Variants in PTCSC3 observed in about 807,000 individuals in gnomAD.
PTCSC3 encodes papillary thyroid carcinoma susceptibility candidate 3 (non-protein coding).
chr14:36,165,166 C>T (rs186997905), intron 1 of PTCSC3: 1 of 152,184 alleles, frequency 6.6e-6, no homozygotes, highest in East Asian at 1.9e-4. Flanking sequence ...TGCCCTCTCC[C>T]CACGTGCAGT....
upstream of PTCSC3, among the ~76,000 whole-genome samples, chr14:36,176,648 G>A (rs1380410670): frequency 6.6e-6 from 1 of 152,022 alleles, no homozygotes; most frequent in Non-Finnish European, 1.5e-5. Context: ...GTCTGAAGGA[G>A]TTTGTACTGG....
chr14:36,136,386 C>T (rs1049102509), intron 3 of PTCSC3: 7 of 152,168 alleles, frequency 4.6e-5, no homozygotes, highest in Non-Finnish European at 7.3e-5. Context: ...TGAGGATTAA[C>T]CATTAGACAT....
intron 2 of PTCSC3, among the ~76,000 whole-genome samples, chr14:36,160,676 T>C (rs930577225): frequency 6.6e-6 from 1 of 152,114 alleles, no homozygotes; most frequent in African/African-American, 2.4e-5. Flanking sequence ...ATTTCAACCT[T>C]GGTGAATCTG....
At chr14:36,141,859 G>A (rs1384007838) in intron 3 of PTCSC3, among the ~76,000 whole-genome samples, 1 of 152,178 alleles carries the variant, frequency 6.6e-6, no homozygotes, top group East Asian at 1.9e-4. Context: ...ATGTAGGAAA[G>A]TTATTGACTT....
At chr14:36,153,158 GAC>G (rs1881759722) in intron 3 of PTCSC3, among the ~76,000 whole-genome samples, 1 of 152,114 alleles carries the variant, frequency 6.6e-6, no homozygotes, top group South Asian at 2.1e-4. Flanking sequence ...ATCCTCACAT[GAC>G]AGAGAGAGAA....
At chr14:36,156,488 A>G (rs1473916122) in intron 2 of PTCSC3, among the ~76,000 whole-genome samples, 1 of 151,998 alleles carries the variant, frequency 6.6e-6, no homozygotes, top group East Asian at 1.9e-4. Context: ...ATACACGTGC[A>G]GAATGTGCAG....
intron 3 of PTCSC3, among the ~76,000 whole-genome samples, chr14:36,137,775 T>C (rs1881322652): frequency 6.6e-6 from 1 of 152,084 alleles, no homozygotes; most frequent in African/African-American, 2.4e-5. Flanking sequence ...AAGGAGCAGG[T>C]ATGGTGGGGG....
At chr14:36,172,502 T>A (rs2139114574) in intron 1 of PTCSC3, among the ~76,000 whole-genome samples, 1 of 152,242 alleles carries the variant, frequency 6.6e-6, no homozygotes, top group East Asian at 1.9e-4. Flanking sequence ...CCACTAGAAA[T>A]TTATAGAAAA....
chr14:36,154,067 G>GA (rs56394642), intron 2 of PTCSC3, among the ~76,000 whole-genome samples: 90,251 of 144,764 alleles, frequency 0.62, 27,789 homozygotes, highest in Non-Finnish European at 0.67. Context: ...ACCCTGTCTC[G>GA]AAAAAAAAAA....
intron 3 of PTCSC3, among the ~76,000 whole-genome samples, chr14:36,146,521 C>G (rs1377949969): frequency 1.4e-5 from 2 of 138,576 alleles, no homozygotes; most frequent in Admixed American, 1.4e-4. Flanking sequence ...CTTGGTAGAT[C>G]TTCCTCCATC....
At chr14:36,151,068 A>G (rs758976140) in intron 3 of PTCSC3, among the ~76,000 whole-genome samples, 2 of 152,114 alleles carry the variant, frequency 1.3e-5, no homozygotes, top group Non-Finnish European at 2.9e-5. Flanking sequence ...AAATAAATCT[A>G]TTGCTGACAA....
chr14:36,153,798 C>G (rs1347877260), intron 3 of PTCSC3: 1 of 152,084 alleles, frequency 6.6e-6, no homozygotes, highest in African/African-American at 2.4e-5. Flanking sequence ...AGACATGGTG[C>G]CTCACCTGTA....
intron 1 of PTCSC3, chr14:36,164,308 A>G (rs572468751): frequency 1.6e-4 from 24 of 152,336 alleles, no homozygotes; most frequent in African/African-American, 5.8e-4. Flanking sequence ...CCACAAAATT[A>G]GAGTTTTTAC....
intron 1 of PTCSC3, among the ~76,000 whole-genome samples, chr14:36,175,295 C>G (rs148112346): frequency 1.6e-4 from 24 of 152,300 alleles, no homozygotes; most frequent in Non-Finnish European, 3.5e-4. Context: ...TCAAGGAGCA[C>G]AGCCTTACAG....
At chr14:36,166,291 C>A (rs956049366) in intron 1 of PTCSC3, among the ~76,000 whole-genome samples, 1 of 152,062 alleles carries the variant, frequency 6.6e-6, no homozygotes, top group Non-Finnish European at 1.5e-5. Flanking sequence ...TAATAAAATA[C>A]GCTACAGAGA....
intron 1 of PTCSC3, among the ~76,000 whole-genome samples, chr14:36,171,445 A>G (rs1011790371): frequency 6.6e-6 from 1 of 152,164 alleles, no homozygotes; most frequent in African/African-American, 2.4e-5. Flanking sequence ...TCTGAATGTC[A>G]TTATTCTCCC....
intron 3 of PTCSC3, among the ~76,000 whole-genome samples, chr14:36,137,545 C>T (rs1448104155): frequency 6.6e-6 from 1 of 152,078 alleles, no homozygotes; most frequent in African/African-American, 2.4e-5. Flanking sequence ...GATGATGGCT[C>T]ATATCTGAGT....
Position 36,163,894 on chromosome 14 carries a change from T to C in PTCSC3, n.172-1211A>G, listed in dbSNP as rs571208070. Among the ~76,000 whole-genome samples the C allele has an allele frequency of 8.5e-5, 13 of 152,330 alleles. No homozygotes were observed. In the South Asian group the frequency reaches 2.7e-3, roughly 32 times the overall value. Reference sequence around the variant, plus strand: ...GTTTAAATCATGGAACCAAGACCTATAGTCAGACATGACCTCAATAATGCA... The same window carrying C: ...GTTTAAATCATGGAACCAAGACCTACAGTCAGACATGACCTCAATAATGCA... On this transcript the variant is annotated intron_variant and non_coding_transcript_variant, in intron 1 of 3. Transcript: ENST00000556013.
At chr14:36,142,702 A>G (rs1168000110) in intron 3 of PTCSC3, among the ~76,000 whole-genome samples, 1 of 150,570 alleles carries the variant, frequency 6.6e-6, no homozygotes, top group African/African-American at 2.4e-5. Context: ...ACATGTGCAC[A>G]TTGTGCAGGT....
Sources: allele counts gnomAD v4.1 joint callset (sites outside exome capture counted in the v4.1 genomes callset), GRCh38; gene constraint gnomAD v4.1.1; transcripts MANE v1.5; gene names NCBI Gene and HGNC (gene_info 2026-07-23, HGNC 2026-07-21).